The following RASAL2 variants were observed in gnomAD, a reference collection of about 807,000 sequenced individuals.
RASAL2 encodes ras GTPase-activating protein nGAP.
Under a neutral mutation model 128.9 loss-of-function variants are expected in RASAL2, and 58 were observed. The ratio of observed to expected loss-of-function variants is 0.45; its 90% CI spans 0.36 to 0.56. The LOEUF (loss-of-function observed/expected upper bound fraction) is 0.56. Ranked by LOEUF, RASAL2 falls within the 20% of genes least tolerant of loss-of-function variation. The probability of loss-of-function intolerance (pLI) is 0.00; values close to 1 mark genes in which losing one functional copy is unlikely to be tolerated. For missense variants in RASAL2, 1,360 were observed against 1,601.6 expected (o/e 0.85, Z 2.57); for synonymous variants, 561 against 580.8 (o/e 0.97, Z 0.49).
intron 1 of RASAL2, among the ~76,000 whole-genome samples, chr1:178,263,153 T>C (rs575203099): frequency 3.6e-4 from 55 of 152,282 alleles, no homozygotes; most frequent in African/African-American, 1.3e-3. Flanking sequence ...CCATTCACAG[T>C]TTAAATCAGT....
At chr1:178,225,099 G>A (rs961149562) in intron 1 of RASAL2, among the ~76,000 whole-genome samples, 1 of 151,926 alleles carries the variant, frequency 6.6e-6, no homozygotes, top group African/African-American at 2.4e-5. Context: ...GGTCCCTTTT[G>A]TCTGGCTTTG....
chr1:178,401,050 C>T (rs1486930450), intron 4 of RASAL2, among the ~76,000 whole-genome samples: 1 of 152,144 alleles, frequency 6.6e-6, no homozygotes, highest in East Asian at 1.9e-4. Context: ...CCCACCCAGC[C>T]AATAGTCAAA....
At chr1:178,357,840 T>G (rs1670891156) in intron 3 of RASAL2, among the ~76,000 whole-genome samples, 1 of 152,214 alleles carries the variant, frequency 6.6e-6, no homozygotes, top group Admixed American at 6.5e-5. Context: ...ATTTGACTAC[T>G]GTATAATTTT....
At chr1:178,202,719 G>A (rs913761940) in intron 1 of RASAL2, among the ~76,000 whole-genome samples, 5 of 152,326 alleles carry the variant, frequency 3.3e-5, no homozygotes, top group African/African-American at 1.2e-4. Flanking sequence ...AACTGTGAAG[G>A]TATTTGTATC....
intron 1 of RASAL2, among the ~76,000 whole-genome samples, chr1:178,232,345 G>A (rs1257468868): frequency 6.6e-6 from 1 of 152,072 alleles, no homozygotes; most frequent in Admixed American, 6.6e-5. Context: ...GCACAAAGAG[G>A]AATAAAGGAA....
chr1:178,373,274 C>CTTTTT lies in RASAL2; in HGVS notation c.458-16815_458-16811dup, dbSNP rs60835442. 6.3e-4 allele frequency among the ~76,000 whole-genome samples: 38 copies of CTTTTT among 60,060 alleles called. 4 individuals are homozygous for CTTTTT. Among genetic ancestry groups the CTTTTT allele is most frequent in the African/African-American group, 1.9e-3 (26 of 13,472 alleles). The allele number at this position is 60,060 out of a possible 152,430, so 39.4% of individuals were successfully genotyped here. A position where few individuals can be genotyped will look rare whatever the true frequency, so the allele number is the denominator to read the frequency against. ...TCAATCTTAGCATTCTGTTTCTTTC[C>CTTTTT]TTTTTTTTTTTTTTTGCAGTTTAGA... is the stretch of plus-strand genomic sequence containing the variant. On this transcript the variant is annotated intron_variant, in intron 3 of 17. Coordinates refer to ENST00000367649, the MANE Select transcript of RASAL2 (RefSeq NM_170692.4).
chr1:178,318,606 G>A (rs1287416186), intron 3 of RASAL2, among the ~76,000 whole-genome samples: 1 of 150,476 alleles, frequency 6.6e-6, no homozygotes, highest in African/African-American at 2.4e-5. Context: ...TCAGAGACTA[G>A]GATTGCAACC....
chr1:178,160,035 A>T (rs1431508423), intron 1 of RASAL2, among the ~76,000 whole-genome samples: 1 of 151,928 alleles, frequency 6.6e-6, no homozygotes, highest in Non-Finnish European at 1.5e-5. Context: ...TTTTTTAAGG[A>T]AATAACCGGT....
chr1:178,128,127 C>T (rs1023057787), intron 1 of RASAL2, among the ~76,000 whole-genome samples: 1 of 152,090 alleles, frequency 6.6e-6, no homozygotes, highest in Non-Finnish European at 1.5e-5. Context: ...ATGAAGTGTT[C>T]TTTCTACATC....
chr1:178,351,391 C>T (rs932082936), intron 3 of RASAL2, among the ~76,000 whole-genome samples: 8 of 152,152 alleles, frequency 5.3e-5, no homozygotes, highest in African/African-American at 1.9e-4. Flanking sequence ...TTAGAGAAGG[C>T]TAGTCCCTTT....
At chr1:178,220,484 A>C (rs1156474865) in intron 1 of RASAL2, among the ~76,000 whole-genome samples, 1 of 152,240 alleles carries the variant, frequency 6.6e-6, no homozygotes, top group Non-Finnish European at 1.5e-5. Context: ...AATAGTAATG[A>C]AAAATTTGAA....
Position 178,456,807 on chromosome 1 carries a change from A to G in RASAL2, c.2298A>G (p.Gln766=). 6.2e-7 allele frequency: 1 copy of G among 1,614,162 alleles called. No homozygotes were observed. The highest frequency in any genetic ancestry group is 8.5e-7 in the Non-Finnish European group (1 of 1,180,032). ...SLTNPTPIQQ[Q]LRRFTEHNSS... ...CTAATCCTACGCCAATACAACAGCA[A>G]CTGAGACGCTTCACTGAACATAACT... The change falls in exon 13 of 18, where the codon CAA becomes CAG. Residue 766 remains glutamine (Q), a synonymous_variant. Transcript: ENST00000367649.
At chr1:178,381,137 T>C (rs1335371005) in intron 3 of RASAL2, among the ~76,000 whole-genome samples, 1 of 152,156 alleles carries the variant, frequency 6.6e-6, no homozygotes. Context: ...GGACTAAATA[T>C]GCAAAGTAGG....
chr1:178,103,314 T>G (rs1216570947), intron 1 of RASAL2, among the ~76,000 whole-genome samples: 6 of 152,308 alleles, frequency 3.9e-5, no homozygotes, highest in Non-Finnish European at 7.3e-5. Flanking sequence ...TCCCCAAGTT[T>G]TGCTAGTTCA....
intron 1 of RASAL2, among the ~76,000 whole-genome samples, chr1:178,199,933 C>T (rs574551061): frequency 5.5e-4 from 84 of 152,316 alleles, no homozygotes; most frequent in Admixed American, 1.2e-3. Context: ...AGAGATTAGA[C>T]TGGCTTAGCC....
chr1:178,324,788 G>A (rs1414002926), intron 3 of RASAL2, among the ~76,000 whole-genome samples: 1 of 152,020 alleles, frequency 6.6e-6, no homozygotes, highest in Non-Finnish European at 1.5e-5. Flanking sequence ...AGCCTTTTAA[G>A]TTTACATTTC....
intron 1 of RASAL2, among the ~76,000 whole-genome samples, chr1:178,114,310 C>G (rs1659446330): frequency 6.6e-6 from 1 of 151,960 alleles, no homozygotes; most frequent in Admixed American, 6.6e-5. Flanking sequence ...TGATGTTAGC[C>G]TTAGGTTTTT....
chr1:178,440,674 G>A (rs1676580883), intron 6 of RASAL2, among the ~76,000 whole-genome samples: 1 of 152,060 alleles, frequency 6.6e-6, no homozygotes, highest in Admixed American at 6.6e-5. Flanking sequence ...GCGGAACTCA[G>A]TTCATTAGGC....
chr1:178,458,838 A>G (rs1052213296), intron 14 of RASAL2, among the ~76,000 whole-genome samples: 1 of 152,196 alleles, frequency 6.6e-6, no homozygotes, highest in African/African-American at 2.4e-5. Context: ...ATGATGTTGA[A>G]TGAATAATTA....
Sources: gnomAD v4.1 joint callset for allele counts (sites outside exome capture counted in the v4.1 genomes callset) on GRCh38, gnomAD v4.1.1 for gene constraint, MANE v1.5 for transcripts, NCBI Gene and HGNC (gene_info 2026-07-23, HGNC 2026-07-21) for gene names.